LIG1: variants seen among roughly 807,000 people sequenced by gnomAD.
LIG1 encodes DNA ligase 1, also known as ligase I, DNA, ATP-dependent.
In LIG1, 70 loss-of-function variants were observed where a neutral mutation model predicts 115.7. The observed-to-expected ratio is 0.60, with a 90% CI of 0.50 to 0.74. LIG1 has a LOEUF of 0.74. Ranked by LOEUF, LIG1 falls within the 30% of genes least tolerant of loss-of-function variation. The probability of loss-of-function intolerance (pLI) is 0.00; values close to 1 mark genes in which losing one functional copy is unlikely to be tolerated. For missense variants in LIG1, 1,115 were observed against 1,225.6 expected, an observed-to-expected ratio of 0.91 and a Z score of 1.35; for synonymous variants, 487 against 495.3, an observed-to-expected ratio of 0.98 and a Z score of 0.22.
At chr19:48,133,758 G>A (rs1406516580) in intron 17 of LIG1, among the ~76,000 whole-genome samples, 1 of 152,140 alleles carries the variant, frequency 6.6e-6, no homozygotes, top group African/African-American at 2.4e-5. Flanking sequence ...ACCACGCCCG[G>A]CTCCTGTTTA....
chr19:48,160,269 G>T (rs1449045318), intron 4 of LIG1, among the ~76,000 whole-genome samples: 8 of 152,204 alleles, frequency 5.3e-5, no homozygotes, highest in Non-Finnish European at 5.9e-5. Context: ...AAGTTTCGCT[G>T]AGGAAGTGAT....
At chr19:48,140,750 C>T (rs895178277) in intron 11 of LIG1, among the ~76,000 whole-genome samples, 8 of 152,084 alleles carry the variant, frequency 5.3e-5, no homozygotes, top group African/African-American at 1.9e-4. Flanking sequence ...CACCCAGGAA[C>T]AGAAGACAGC....
At chr19:48,116,488 C>T (rs1045870098) in intron 26 of LIG1, among the ~76,000 whole-genome samples, 1 of 150,398 alleles carries the variant, frequency 6.6e-6, no homozygotes, top group Admixed American at 6.6e-5. Flanking sequence ...ACAGCCGTTA[C>T]GATAATGACG....
Position 48,150,197 on chromosome 19 carries a change from C to T in LIG1, c.588G>A (p.Pro196=), listed in dbSNP as rs775295879. 6.2e-7 allele frequency: 1 copy of T among 1,614,154 alleles called. No homozygotes were observed. The highest frequency in any genetic ancestry group is 2.2e-5 in the East Asian group (1 of 44,882). The part of the protein sequence containing the change: ...KPLKTSKAET[P]TESVSEPEVA... ...CCTCAGGCTCTGAAACGCTTTCCGT[C>T]GGGGTCTCTGCTTCTGCGGTGAGAG... The change falls in exon 8 of 28, where the codon CCG becomes CCA. Residue 196 remains proline, a synonymous_variant. Transcript: ENST00000263274.
chr19:48,123,340 G>A (rs1220746983), intron 21 of LIG1, 22 bp from the exon 22 acceptor site: 3 of 1,610,590 alleles, frequency 1.9e-6, no homozygotes, highest in Non-Finnish European at 2.5e-6. Flanking sequence ...GCAGGGAGAA[G>A]AGAGATGAGA....
At chr19:48,151,918 G>A (rs1178781796) in intron 6 of LIG1, among the ~76,000 whole-genome samples, 3 of 151,844 alleles carry the variant, frequency 2.0e-5, no homozygotes, top group Non-Finnish European at 4.4e-5. Context: ...AAATGCAAAT[G>A]ACAGCCTGTT....
chr19:48,119,621 C>T (rs1243433156), intron 24 of LIG1, among the ~76,000 whole-genome samples: 1 of 150,818 alleles, frequency 6.6e-6, no homozygotes, highest in Non-Finnish European at 1.5e-5. Flanking sequence ...TCACTGCAAC[C>T]TCCACCTCCT....
chr19:48,116,156 C>T, intron 26 of LIG1, 191 bp from the exon 27 acceptor site: 1 of 609,436 alleles, frequency 1.6e-6, no homozygotes, highest in Non-Finnish European at 3.0e-6. Context: ...AGAAATGCTG[C>T]CTGTTGGCCG....
At chr19:48,136,892 T>G (rs923439294) in intron 14 of LIG1, 116 bp downstream of exon 14, 85 of 860,702 alleles carry the variant, frequency 9.9e-5, no homozygotes, top group Non-Finnish European at 1.6e-4. Context: ...CTGCTCATGC[T>G]TTTCTCATCC....
intron 12 of LIG1, 51 bp downstream of exon 12, chr19:48,139,920 C>T (rs780046678): frequency 1.2e-6 from 2 of 1,602,138 alleles, no homozygotes; most frequent in South Asian, 2.2e-5. Flanking sequence ...TCTGCATTTT[C>T]TCTGGCTGAG....
At chr19:48,124,113 G>A (rs936811286) in intron 21 of LIG1, among the ~76,000 whole-genome samples, 7 of 152,254 alleles carry the variant, frequency 4.6e-5, no homozygotes, top group African/African-American at 1.2e-4. Flanking sequence ...CCCCACCCAC[G>A]CGCAGTGTTT....
intron 12 of LIG1, 87 bp downstream of exon 12, chr19:48,139,884 C>T (rs2034627690): frequency 6.8e-7 from 1 of 1,467,432 alleles, no homozygotes; most frequent in African/African-American, 1.4e-5. Context: ...CAGCCTCTCT[C>T]CACCATCTCT....
intron 21 of LIG1, among the ~76,000 whole-genome samples, chr19:48,124,882 G>A (rs1427804801): frequency 6.6e-6 from 1 of 152,064 alleles, no homozygotes; most frequent in African/African-American, 2.4e-5. Flanking sequence ...GGGTGTGGTG[G>A]TGGGTGCCTG....
At chr19:48,119,412 C>A (rs549717752) in intron 24 of LIG1, among the ~76,000 whole-genome samples, 1 of 152,128 alleles carries the variant, frequency 6.6e-6, no homozygotes, top group South Asian at 2.1e-4. Flanking sequence ...CACTCCCTGT[C>A]TTCTGCTTTA....
intron 4 of LIG1, 65 bp downstream of exon 4, chr19:48,161,307 C>G (rs2036161890): frequency 6.2e-7 from 1 of 1,607,420 alleles, no homozygotes; most frequent in Non-Finnish European, 8.5e-7. Flanking sequence ...CTGCTGCACT[C>G]TGTTCCAAAG....
Position 48,136,086 on chromosome 19 carries a change from C to T in LIG1, c.1371G>A (p.Gln457=). The T allele has an allele frequency of 6.4e-7, 1 of 1,574,348 alleles. No homozygotes were observed. The highest frequency in any genetic ancestry group is 8.6e-7 in the Non-Finnish European group (1 of 1,160,222). The change falls in exon 15 of 28, where the codon CAG becomes CAA. Residue 457 remains glutamine (Q), a synonymous_variant. Coordinates refer to ENST00000263274, the MANE Select transcript of LIG1 (RefSeq NM_000234.3). ...SGRLRLGLAE[Q]SVLAALSQAV... ...CCTGGGAGAGGGCAGCCAGCACCGA[C>T]TGCTCTGCCAGCCCAAGGCGCAGCC...
Position 48,156,642 on chromosome 19 carries a change from G to A in LIG1, c.370+372C>T, listed in dbSNP as rs577709206. ...ACTACCTTGGATGGGAATCCAAGTG[G>A]GGAGAAAGGCAGGCGACTGGCTGGG... On this transcript the variant is annotated intron_variant, in intron 5 of 27. Transcript: ENST00000263274. Among the ~76,000 whole-genome samples, 5 of 152,204 alleles carry A rather than the reference G, an allele frequency of 3.3e-5. No homozygotes were observed. The East Asian group carries it at 9.7e-4, about 29-fold the overall frequency.
At chr19:48,146,422 G>C (rs897109042) in intron 9 of LIG1, among the ~76,000 whole-genome samples, 2 of 152,244 alleles carry the variant, frequency 1.3e-5, no homozygotes, top group Admixed American at 1.3e-4. Context: ...TTGATGTCAT[G>C]CCTCTACAAA....
intron 2 of LIG1, among the ~76,000 whole-genome samples, chr19:48,165,279 C>T (rs560838480): frequency 6.6e-6 from 1 of 152,010 alleles, no homozygotes; most frequent in Admixed American, 6.6e-5. Context: ...AATCTCCAGA[C>T]GCTGCCAGAT....
Sources: gnomAD v4.1 joint callset for allele counts (sites outside exome capture counted in the v4.1 genomes callset) on GRCh38, gnomAD v4.1.1 for gene constraint, MANE v1.5 for transcripts, NCBI Gene and HGNC (gene_info 2026-07-23, HGNC 2026-07-21) for gene names.